The following CRHR1 variants were observed in gnomAD, a reference collection of about 807,000 sequenced individuals.
The protein encoded by CRHR1 is corticotropin releasing hormone receptor 1.
A neutral mutation model predicts 56.0 loss-of-function variants in CRHR1; 28 were observed. The observed-to-expected ratio is 0.50, with a 90% CI of 0.37 to 0.69. CRHR1 has a LOEUF of 0.69. Ranked by LOEUF, CRHR1 falls within the 30% of genes least tolerant of loss-of-function variation. CRHR1 has a pLI of 0.00. For synonymous variants in CRHR1, 195 were observed against 216.5 expected, an observed-to-expected ratio of 0.90 and a Z score of 0.87; for missense variants, 376 against 548.0, an observed-to-expected ratio of 0.69 and a Z score of 3.13.
At chr17:45,828,523 T>C (rs1421280250) in intron 4 of CRHR1, among the ~76,000 whole-genome samples, 1 of 152,198 alleles carries the variant, frequency 6.6e-6, no homozygotes, top group Admixed American at 6.5e-5. Context: ...CCTCCATCAG[T>C]ATATTAAATT....
intron 4 of CRHR1, among the ~76,000 whole-genome samples, chr17:45,823,403 CTTTTTT>C (rs71138512): frequency 3.0e-5 from 3 of 100,602 alleles, no homozygotes; most frequent in Non-Finnish European, 4.0e-5. Context: ...GGGACATTCC[CTTTTTT>C]TTTTTTTTTT....
chr17:45,827,916 T>G (rs974458660), intron 4 of CRHR1: 17 of 152,264 alleles, frequency 1.1e-4, no homozygotes, highest in Admixed American at 2.0e-4. Flanking sequence ...TTGGTGGCTC[T>G]GAGAAGATGA....
intron 4 of CRHR1, among the ~76,000 whole-genome samples, chr17:45,822,215 A>G (rs988878505): frequency 5.3e-5 from 8 of 152,194 alleles, no homozygotes; most frequent in African/African-American, 1.7e-4. Flanking sequence ...TTCTTTTTGC[A>G]TTTGCATAAT....
chr17:45,809,079 A>C (rs915779762), intron 2 of CRHR1, among the ~76,000 whole-genome samples: 2 of 152,212 alleles, frequency 1.3e-5, no homozygotes, highest in Admixed American at 1.3e-4. Flanking sequence ...TTCAAGGTGA[A>C]TATTAAGAGA....
chr17:45,830,339 C>A, intron 6 of CRHR1, 78 bp from the exon 7 acceptor site: 4 of 1,581,442 alleles, frequency 2.5e-6, no homozygotes, highest in Non-Finnish European at 2.6e-6. Flanking sequence ...CCCTGTCCTG[C>A]CCTGGGGAGG....
chr17:45,785,403 C>T (rs958010984), intron 1 of CRHR1, among the ~76,000 whole-genome samples: 3 of 152,260 alleles, frequency 2.0e-5, no homozygotes, highest in Non-Finnish European at 1.5e-5. Context: ...TCACTTGCAG[C>T]CCCAAGCGCT....
chr17:45,816,350 C>A, intron 2 of CRHR1, 113 bp from the exon 3 acceptor site: 2 of 1,408,756 alleles, frequency 1.4e-6, no homozygotes, highest in Non-Finnish European at 9.6e-7. Flanking sequence ...CTGTCCCTAG[C>A]TGGTGTGAGT....
At chr17:45,801,947 C>A (rs2061630834) in intron 1 of CRHR1, among the ~76,000 whole-genome samples, 1 of 152,116 alleles carries the variant, frequency 6.6e-6, no homozygotes, top group Non-Finnish European at 1.5e-5. Context: ...ATCACACACA[C>A]CAACTGCATT....
At chr17:45,825,070 C>G (rs1472266714) in intron 4 of CRHR1, among the ~76,000 whole-genome samples, 1 of 152,192 alleles carries the variant, frequency 6.6e-6, no homozygotes, top group East Asian at 1.9e-4. Flanking sequence ...CAGACCCCTC[C>G]CAGAACTGCA....
chr17:45,784,640 G>A lies in CRHR1; in HGVS notation c.33+63G>A. 1 of 1,485,652 alleles carries A rather than the reference G, an allele frequency of 6.7e-7. No homozygotes were observed. The highest frequency in any genetic ancestry group is 9.0e-7 in the Non-Finnish European group (1 of 1,112,144). The allele number at this position is 1,485,652 out of a possible 1,614,324, so 92.0% of individuals were successfully genotyped here. On this transcript the variant is annotated intron_variant, in intron 1 of 12. Transcript: ENST00000314537. The surrounding 1 kb of genome is among the most constrained non-coding windows in gnomAD (Gnocchi z 4.2). ...CCCGGCCCCTGGCGGACGCGGGACGGGGCTGGGCTGTGGGTGTGATGGGGG... is the reference window on the plus strand; with the variant it reads ...CCCGGCCCCTGGCGGACGCGGGACGAGGCTGGGCTGTGGGTGTGATGGGGG...
At position 45,807,047 on chromosome 17, in the gene CRHR1, C is replaced by T; in HGVS notation, c.71C>T (p.Ser24Phe). The T allele has an allele frequency of 1.9e-6, 3 of 1,614,122 alleles. No individual in the cohort carries two copies. The highest frequency in any genetic ancestry group is 1.7e-4 in the Middle Eastern group (1 of 6,060). ...LLLGLNPVSASLQDQHCESLS... is the reference protein window; with the variant it reads ...LLLGLNPVSAFLQDQHCESLS... ...CTGGGGCTGAACCCCGTCTCTGCCTCCCTCCAGGACCAGCACTGCGAGAGC... is the reference window on the plus strand; with the variant it reads ...CTGGGGCTGAACCCCGTCTCTGCCTTCCTCCAGGACCAGCACTGCGAGAGC... Residue 24 changes from serine (S) to phenylalanine (F), a missense_variant, in exon 2 of 13, where the codon TCC becomes TTC. Ser to Phe is a radical substitution (Grantham distance 155). Transcript: ENST00000314537.
At chr17:45,823,562 C>T (rs2062092923) in intron 4 of CRHR1, among the ~76,000 whole-genome samples, 1 of 152,096 alleles carries the variant, frequency 6.6e-6, no homozygotes, top group Non-Finnish European at 1.5e-5. Context: ...AATGCACCAC[C>T]ATGCTGGGCT....
rs374351159 is a variant in CRHR1 at position 45,833,199 on chromosome 17, C to T, written c.832C>T (p.Leu278=). 1 of 1,614,092 alleles carries T rather than the reference C, an allele frequency of 6.2e-7. No individual in the cohort carries two copies. The highest frequency in any genetic ancestry group is 2.2e-5 in the East Asian group (1 of 44,872). ...CTACATCTACCAGGGCCCCATGATC[C>T]TGGTCCTGCTGGTAAGAACCTGGGT... ...TDYIYQGPMI[L]VLLINFIFLF... is the part of the protein sequence containing the mutation. The change falls in exon 9 of 13, where the codon CTG becomes TTG. Residue 278 remains leucine (L), a synonymous_variant. Coordinates refer to ENST00000314537, the MANE Select transcript of CRHR1 (RefSeq NM_004382.5).
chr17:45,808,421 G>A (rs932998982), intron 2 of CRHR1, among the ~76,000 whole-genome samples: 1 of 152,202 alleles, frequency 6.6e-6, no homozygotes, highest in African/African-American at 2.4e-5. Flanking sequence ...CACAGAAGGT[G>A]CCTGGTCATG....
At chr17:45,828,710 G>A (rs1006909262) in intron 4 of CRHR1, among the ~76,000 whole-genome samples, 8 of 152,202 alleles carry the variant, frequency 5.3e-5, no homozygotes, top group African/African-American at 9.6e-5. Flanking sequence ...GCAGCTGCCC[G>A]GCCCCTCCTT....
rs57364898 is a variant in CRHR1, at chr17:45,798,529, A to AAG, written c.34-8480_34-8479insGA. ...CGACAAGGCGAGACTCCGTCTCGGG[A>AAG]AAAAAAAAAAAAAAAAGCCAAACAC... On this transcript the variant is annotated intron_variant, in intron 1 of 12. Transcript: ENST00000314537. 1.6e-3 allele frequency among the ~76,000 whole-genome samples: 163 copies of AAG among 104,282 alleles called. 1 individual carries two copies. In the East Asian group the frequency reaches 0.026, roughly 16 times the overall value. The allele number at this position is 104,282 out of a possible 152,430, so 68.4% of individuals were successfully genotyped here.
At position 45,794,838 on chromosome 17, in the gene CRHR1, TCCAGGGC is replaced by T. The variant is rs572219697; in HGVS notation, c.33+10274_33+10280del. On this transcript the variant is annotated intron_variant, in intron 1 of 12. Transcript: ENST00000314537. ...ATCCAAGGTAAAGGAATCCCACTTCTCCAGGGCCCAGGGCCCAGGACCCGGCTCTGCC... is the reference window on the plus strand; with the variant it reads ...ATCCAAGGTAAAGGAATCCCACTTCTCCAGGGCCCAGGACCCGGCTCTGCC... 9.4e-4 allele frequency among the ~76,000 whole-genome samples: 143 copies of T among 152,296 alleles called. 1 individual carries two copies. Among genetic ancestry groups the T allele is most frequent in the African/African-American group, 3.2e-3 (131 of 41,586 alleles).
At chr17:45,816,701 G>T in intron 3 of CRHR1, 119 bp downstream of exon 3, 3 of 1,482,818 alleles carry the variant, frequency 2.0e-6, no homozygotes, top group Non-Finnish European at 2.7e-6. Flanking sequence ...TGTGGGGATC[G>T]CCCCTGTTTT....
At position 45,806,327 on chromosome 17, in the gene CRHR1, T is replaced by C. The variant is rs550198851; in HGVS notation, c.34-683T>C. ...CAAAGGTCTGCCCTAGAATAGGGTG[T>C]CCATCTTTCCAGACACATTTATCCC... On this transcript the variant is annotated intron_variant, in intron 1 of 12. Transcript: ENST00000314537. 9.2e-5 allele frequency among the ~76,000 whole-genome samples: 14 copies of C among 152,360 alleles called. No individual in the cohort carries two copies. The South Asian group carries it at 2.9e-3, about 32-fold the overall frequency.
Sources: allele counts gnomAD v4.1 joint callset (sites outside exome capture counted in the v4.1 genomes callset), GRCh38; gene constraint gnomAD v4.1.1; non-coding constraint Gnocchi (gnomAD v3.1); transcripts MANE v1.5; gene names NCBI Gene and HGNC (gene_info 2026-07-23, HGNC 2026-07-21).